The following SUSD4 variants were observed in gnomAD, a reference collection of about 807,000 sequenced individuals.
SUSD4 encodes the protein sushi domain containing 4, also known as sushi domain-containing protein 4.
SUSD4 carries 41 observed loss-of-function variants against 50.5 expected under a neutral mutation model. The ratio of observed to expected loss-of-function variants is 0.81; its 90% CI spans 0.63 to 1.05. The LOEUF (loss-of-function observed/expected upper bound fraction) is 1.05, where lower values mean the gene tolerates loss of function less well. SUSD4 is among the 50% of genes least tolerant of loss of function. SUSD4 has a pLI of 0.00. For synonymous variants in SUSD4, 257 were observed against 257.3 expected (o/e 1.00, Z 0.01); for missense variants, 580 against 634.7 (o/e 0.91, Z 0.93).
chr1:223,296,323 A>G (rs1366060032), intron 2 of SUSD4, among the ~76,000 whole-genome samples: 3 of 152,180 alleles, frequency 2.0e-5, no homozygotes, highest in South Asian at 2.1e-4. Context: ...CATCAATGTC[A>G]GGGTAGATGG....
rs531775719 is a variant in SUSD4, at chr1:223,343,743, T to C, written c.148+19535A>G. Among the ~76,000 whole-genome samples the C allele has an allele frequency of 3.9e-5, 6 of 152,342 alleles. No homozygotes were observed. In the South Asian group the frequency reaches 1.0e-3, roughly 26 times the overall value. On this transcript the variant is annotated intron_variant, in intron 2 of 8. Coordinates refer to ENST00000366878, the MANE Select transcript of SUSD4 (RefSeq NM_017982.4). ...ATGAATATGCATACATCTGCATATATATAGCTGCTTTTAATAAGGGAAAAA... is the reference window on the plus strand; with the variant it reads ...ATGAATATGCATACATCTGCATATACATAGCTGCTTTTAATAAGGGAAAAA...
chr1:223,270,079 T>C (rs1662802294), intron 3 of SUSD4, among the ~76,000 whole-genome samples: 1 of 151,972 alleles, frequency 6.6e-6, no homozygotes, highest in Non-Finnish European at 1.5e-5. Flanking sequence ...CACAACAGAC[T>C]TCAGAAAATA....
intron 5 of SUSD4, among the ~76,000 whole-genome samples, chr1:223,257,534 C>T (rs1242969312): frequency 6.6e-6 from 1 of 152,152 alleles, no homozygotes; most frequent in African/African-American, 2.4e-5. Flanking sequence ...CCATTCATCT[C>T]TACAAGGATA....
chr1:223,265,136 T>A (rs1295415496), intron 4 of SUSD4, among the ~76,000 whole-genome samples: 1 of 152,194 alleles, frequency 6.6e-6, no homozygotes, highest in African/African-American at 2.4e-5. Context: ...CGTTTCAGCA[T>A]CACCTGAGAA....
chr1:223,353,476 T>A (rs1194970467), intron 2 of SUSD4, among the ~76,000 whole-genome samples: 1 of 152,168 alleles, frequency 6.6e-6, no homozygotes, highest in Non-Finnish European at 1.5e-5. Flanking sequence ...GGAACAAGTC[T>A]TATGGCCCCT....
intron 3 of SUSD4, among the ~76,000 whole-genome samples, chr1:223,280,630 T>C (rs1483967529): frequency 2.6e-5 from 4 of 151,996 alleles, no homozygotes; most frequent in African/African-American, 9.7e-5. Flanking sequence ...TCCCACACAA[T>C]AATAATGGGA....
chr1:223,277,701 G>A (rs1415371813), intron 3 of SUSD4, among the ~76,000 whole-genome samples: 1 of 152,206 alleles, frequency 6.6e-6, no homozygotes, highest in South Asian at 2.1e-4. Context: ...CACTGGACAA[G>A]GAGTCAAGAC....
At chr1:223,361,199 T>A (rs1486115917) in intron 2 of SUSD4, among the ~76,000 whole-genome samples, 1 of 152,188 alleles carries the variant, frequency 6.6e-6, no homozygotes, top group Non-Finnish European at 1.5e-5. Flanking sequence ...CCATGTGCAT[T>A]TCTTTCCTAA....
In SUSD4 at chr1:223,363,885, C is replaced by G. The variant is rs1027382606; in HGVS notation, c.-36+172G>C. On this transcript the variant is annotated intron_variant, in intron 1 of 8. Transcript: ENST00000366878. The stretch of plus-strand genomic sequence containing the variant: ...CTCCCCCAGCTACTTCTCTGGTTTT[C>G]CTCGGGATTGGGATCGATCCTACTG... 10 of 154,324 alleles carry G rather than the reference C, an allele frequency of 6.5e-5. No homozygotes were observed. In the Admixed American group the frequency reaches 6.5e-4, roughly 10 times the overall value. The allele number at this position is 154,324 out of a possible 1,614,324, so 9.6% of individuals were successfully genotyped here. A position where few individuals can be genotyped will look rare whatever the true frequency, so the allele number is the denominator to read the frequency against.
At chr1:223,235,026 A>G (rs924892061) in intron 5 of SUSD4, 1 of 1,612,070 alleles carries the variant, frequency 6.2e-7, no homozygotes, top group African/African-American at 1.3e-5. Flanking sequence ...AACACAGGGC[A>G]AAAATAAAGC....
intron 2 of SUSD4, among the ~76,000 whole-genome samples, chr1:223,362,940 A>ACCCCCCCC (rs1411258473): frequency 5.3e-4 from 35 of 66,222 alleles, no homozygotes; most frequent in African/African-American, 7.2e-4. Context: ...CCCACCCCCC[A>ACCCCCCCC]CCCCTCCCCC....
intron 2 of SUSD4, among the ~76,000 whole-genome samples, chr1:223,311,418 G>A (rs1665867920): frequency 6.6e-6 from 1 of 152,222 alleles, no homozygotes; most frequent in Non-Finnish European, 1.5e-5. Flanking sequence ...CAGGCAGCCT[G>A]TGCTGCTGCT....
chr1:223,363,621 G>A, intron 1 of SUSD4, 161 bp from the exon 2 acceptor site: 1 of 807,864 alleles, frequency 1.2e-6, no homozygotes. Context: ...GAGGTCCCCC[G>A]CCTTCCCCCG....
chr1:223,268,056 T>C lies in SUSD4; in HGVS notation c.535+446A>G, dbSNP rs560800436. 9.6e-4 allele frequency among the ~76,000 whole-genome samples: 126 copies of C among 130,740 alleles called. 2 individuals are homozygous for C. The highest frequency in any genetic ancestry group is 3.4e-3 in the African/African-American group (118 of 34,296). The allele number at this position is 130,740 out of a possible 152,430, so 85.8% of individuals were successfully genotyped here. ...ATATATATATATACACACACACTGTTAAGAGAAAACAGCCTCTGTTAAAGA... is the reference window on the plus strand; with the variant it reads ...ATATATATATATACACACACACTGTCAAGAGAAAACAGCCTCTGTTAAAGA... On this transcript the variant is annotated intron_variant, in intron 4 of 8. Coordinates refer to ENST00000366878, the MANE Select transcript of SUSD4 (RefSeq NM_017982.4).
chr1:223,269,403 G>A (rs760236528), intron 3 of SUSD4, among the ~76,000 whole-genome samples: 2 of 152,164 alleles, frequency 1.3e-5, no homozygotes, highest in Admixed American at 6.5e-5. Flanking sequence ...CCCATGCCAT[G>A]CAGCAAATGA....
intron 2 of SUSD4, among the ~76,000 whole-genome samples, chr1:223,298,495 G>C (rs1033243766): frequency 6.6e-6 from 1 of 152,172 alleles, no homozygotes; most frequent in African/African-American, 2.4e-5. Context: ...GCCAGAGGTA[G>C]GTCTACACGA....
chr1:223,274,037 T>G (rs1040877460), intron 3 of SUSD4, among the ~76,000 whole-genome samples: 25 of 152,212 alleles, frequency 1.6e-4, no homozygotes, highest in Admixed American at 1.5e-3. Flanking sequence ...GTATCACAAG[T>G]GAGGGGGGTC....
At chr1:223,364,506 A>G (rs536554433), upstream of SUSD4, among the ~76,000 whole-genome samples, 26 of 148,238 alleles carry the variant, frequency 1.8e-4, no homozygotes, top group Admixed American at 1.3e-3. This position sits in a 1 kb window ranked among gnomAD's most constrained non-coding sequence, Gnocchi z 4.5. Flanking sequence ...ACCAATGGGA[A>G]GCCCGCGCGC....
chr1:223,264,733 G>A lies in SUSD4; in HGVS notation c.621C>T (p.Ser207=). 1.2e-6 allele frequency: 2 copies of A among 1,614,212 alleles called. No homozygotes were observed. The highest frequency in any genetic ancestry group is 1.7e-6 in the Non-Finnish European group (2 of 1,180,024). Reference sequence around the variant, plus strand: ...GTTTAAATCCGGGAAAGCAGCGATAGGAGATCACAGTCCCCACCGGGAAGG... The same window carrying A: ...GTTTAAATCCGGGAAAGCAGCGATAAGAGATCACAGTCCCCACCGGGAAGG... ...QTSFPVGTVI[S]YRCFPGFKLD... The change falls in exon 5 of 9, where the codon TCC becomes TCT. Residue 207 remains serine (S), a synonymous_variant. Coordinates refer to ENST00000366878, the MANE Select transcript of SUSD4 (RefSeq NM_017982.4).
Sources: gnomAD v4.1 joint callset for allele counts (sites outside exome capture counted in the v4.1 genomes callset) on GRCh38, gnomAD v4.1.1 for gene constraint, Gnocchi (gnomAD v3.1) non-coding constraint, MANE v1.5 for transcripts, NCBI Gene and HGNC (gene_info 2026-07-23, HGNC 2026-07-21) for gene names.